Variants in ADAMTS20 observed in about 807,000 individuals in gnomAD.
The protein encoded by ADAMTS20 is ADAM metallopeptidase with thrombospondin type 1 motif 20.
ADAMTS20 carries 225 observed loss-of-function variants against 260.1 expected under a neutral mutation model. That is an observed-to-expected ratio of 0.87 (90% CI 0.78 to 0.97). The LOEUF is 0.97. Among genes scored for constraint, ADAMTS20 ranks in the 50% least tolerant of loss-of-function variants. The pLI, the probability that ADAMTS20 is intolerant of heterozygous loss-of-function variation, is 0.00. For synonymous variants in ADAMTS20, 802 were observed against 769.5 expected (o/e 1.04, Z -0.70); for missense variants, 2,400 against 2,337.7 (o/e 1.03, Z -0.55).
At chr12:43,490,033 A>T (rs1191319051) in intron 7 of ADAMTS20, among the ~76,000 whole-genome samples, 1 of 152,084 alleles carries the variant, frequency 6.6e-6, no homozygotes, top group Non-Finnish European at 1.5e-5. Context: ...GGGGAAAAGT[A>T]GAGTGATGGA....
intron 3 of ADAMTS20, among the ~76,000 whole-genome samples, chr12:43,523,750 C>G (rs974644237): frequency 6.6e-6 from 1 of 152,028 alleles, no homozygotes; most frequent in Non-Finnish European, 1.5e-5. Context: ...TCCCCAGTGA[C>G]CAGAGACCTA....
intron 31 of ADAMTS20, among the ~76,000 whole-genome samples, chr12:43,379,135 C>A (rs1231578520): frequency 6.6e-6 from 1 of 152,130 alleles, no homozygotes; most frequent in Non-Finnish European, 1.5e-5. Context: ...ATTATTTGAA[C>A]TGTTTAGTGG....
rs545056246 is a variant in ADAMTS20 at position 43,453,087 on chromosome 12, G to C, written c.1761-392C>G. ...ATAAAAAGGAAATGTATACACATCT[G>C]TCATGTATATCTTATTTATCACTCA... On this transcript the variant is annotated intron_variant, in intron 12 of 38. Transcript: ENST00000389420. 4.6e-5 allele frequency among the ~76,000 whole-genome samples: 7 copies of C among 152,264 alleles called. No homozygotes were observed. In the East Asian group the frequency reaches 1.3e-3, roughly 29 times the overall value.
chr12:43,377,482 G>C lies in ADAMTS20; in HGVS notation c.4878C>G (p.Leu1626=). The change falls in exon 32 of 39, where the codon CTC becomes CTG. Residue 1626 remains leucine (L), a synonymous_variant. Transcript: ENST00000389420. ...GATAAACTATAGGCCGAAGTCGATG[G>C]AGCTTATGTTTCTTAGTAGATGGGA... The part of the protein sequence containing the change: ...TEIPSTKKHK[L]HRLRPIVYQE... 5.6e-6 allele frequency: 9 copies of C among 1,613,646 alleles called. No homozygotes were observed. Among genetic ancestry groups the C allele is most frequent in the Non-Finnish European group, 7.6e-6 (9 of 1,179,710 alleles).
At chr12:43,401,920 A>C (rs1940818346) in intron 28 of ADAMTS20, among the ~76,000 whole-genome samples, 1 of 151,800 alleles carries the variant, frequency 6.6e-6, no homozygotes, top group African/African-American at 2.4e-5. Context: ...CTTTCTCCTT[A>C]ATGTGACACA....
intron 2 of ADAMTS20, among the ~76,000 whole-genome samples, chr12:43,542,083 G>T (rs1943383846): frequency 1.3e-5 from 2 of 152,092 alleles, no homozygotes; most frequent in Admixed American, 1.3e-4. Context: ...TCTCATTCTT[G>T]TGGGCACTGA....
chr12:43,369,335 TG>T lies in ADAMTS20; in HGVS notation c.5492del (p.Pro1831HisfsTer28). 2 of 1,566,982 alleles carry T rather than the reference TG, an allele frequency of 1.3e-6. No individual in the cohort carries two copies. Among genetic ancestry groups the T allele is most frequent in the Non-Finnish European group, 1.7e-6 (2 of 1,157,876 alleles). On this transcript the variant is annotated frameshift_variant, in exon 37 of 39. Transcript: ENST00000389420. LOFTEE classifies it high-confidence loss of function. ...FSKTIFGNAV[P>X]FATAGDCYSA... The stretch of plus-strand genomic sequence containing the variant: ...TGTAGCAATCTCCAGCTGTGGCAAA[TG>T]GAACTGCATTTCCAAATATTGTTTT...
intron 22 of ADAMTS20, 58 bp downstream of exon 22, chr12:43,431,274 C>A: frequency 1.3e-6 from 2 of 1,544,386 alleles, no homozygotes; most frequent in East Asian, 2.3e-5. Context: ...TATAACACAA[C>A]TTTTGTGCTA....
intron 36 of ADAMTS20, among the ~76,000 whole-genome samples, chr12:43,374,877 T>C (rs1435552582): frequency 1.4e-4 from 22 of 152,104 alleles, no homozygotes; most frequent in Admixed American, 1.4e-3. Flanking sequence ...TACATTTTTA[T>C]TAAGAGTCCC....
Position 43,550,917 on chromosome 12 carries a change from C to T in ADAMTS20, c.445G>A (p.Gly149Arg). The change falls in exon 2 of 39, where the codon GGA becomes AGA. Residue 149 changes from glycine (G) to arginine (R), a missense_variant. Coordinates refer to ENST00000389420, the MANE Select transcript of ADAMTS20 (RefSeq NM_025003.5). ...GACCCGAGGACACTCACCAGGCCTC[C>T]GCATAAGCTGACGACGGCCTTGTAA... ...EDYKAVVSLC[G>R]GLTGTFKGQN... 1 of 1,560,284 alleles carries T rather than the reference C, an allele frequency of 6.4e-7. No homozygotes were observed. The highest frequency in any genetic ancestry group is 8.7e-7 in the Non-Finnish European group (1 of 1,150,120).
intron 28 of ADAMTS20, among the ~76,000 whole-genome samples, chr12:43,405,259 A>T (rs1940893386): frequency 7.0e-6 from 1 of 143,762 alleles, no homozygotes; most frequent in Non-Finnish European, 1.5e-5. Flanking sequence ...AAAAAAAAAA[A>T]AAATTAGCCA....
chr12:43,376,029 C>T, intron 35 of ADAMTS20, 28 bp downstream of exon 35: 2 of 1,536,346 alleles, frequency 1.3e-6, no homozygotes, highest in Non-Finnish European at 1.8e-6. Context: ...CATGAAAATG[C>T]TCAGATAGAC....
At chr12:43,503,045 G>A (rs1439002128) in intron 3 of ADAMTS20, among the ~76,000 whole-genome samples, 1 of 152,092 alleles carries the variant, frequency 6.6e-6, no homozygotes, top group Non-Finnish European at 1.5e-5. Context: ...GAACATTAAA[G>A]ATTATTACAG....
intron 11 of ADAMTS20, among the ~76,000 whole-genome samples, chr12:43,455,151 T>C (rs1212924686): frequency 6.6e-6 from 1 of 152,224 alleles, no homozygotes; most frequent in African/African-American, 2.4e-5. Flanking sequence ...CATATAGTAC[T>C]AGTCTTCATG....
rs571470440 is a variant in ADAMTS20 at position 43,440,722 on chromosome 12, T to C, written c.2291-653A>G. ...AGCAGACAGATTAGTTCAATCATCC[T>C]GGTCATCAATGGTAGGGAAAGAAGG... On this transcript the variant is annotated intron_variant, in intron 16 of 38. Coordinates refer to ENST00000389420, the MANE Select transcript of ADAMTS20 (RefSeq NM_025003.5). 3.3e-5 allele frequency among the ~76,000 whole-genome samples: 5 copies of C among 152,324 alleles called. 1 individual carries two copies. Among genetic ancestry groups the C allele is most frequent in the African/African-American group, 1.2e-4 (5 of 41,588 alleles).
At chr12:43,388,473 C>T (rs1940531349) in intron 29 of ADAMTS20, among the ~76,000 whole-genome samples, 1 of 152,172 alleles carries the variant, frequency 6.6e-6, no homozygotes, top group Non-Finnish European at 1.5e-5. Context: ...CCTATTTGGC[C>T]ATCTTGGCTG....
chr12:43,495,997 T>G (rs1489308174), intron 4 of ADAMTS20, among the ~76,000 whole-genome samples: 6 of 152,150 alleles, frequency 3.9e-5, no homozygotes, highest in Non-Finnish European at 4.4e-5. Context: ...AGCTAAATTG[T>G]GATTCAAGCA....
In ADAMTS20 at chr12:43,452,611, T is replaced by G. The variant is rs752129185; in HGVS notation, c.1845A>C (p.Gln615His). The change falls in exon 13 of 39, where the codon CAA (glutamine) becomes CAC (histidine). Residue 615 changes from glutamine to histidine, a missense_variant. Gln to His is a conservative substitution (Grantham distance 24). Transcript: ENST00000389420. ...CNTDSCPKGT[Q>H]DFREKQCSDF... ...CAGAGCACTGCTTCTCTCGAAAGTC[T>G]TGTGTGCCTTTTGGACATGAATCAG... The G allele has an allele frequency of 3.2e-5, 52 of 1,613,362 alleles. No individual in the cohort carries two copies. The highest frequency in any genetic ancestry group is 4.2e-5 in the Non-Finnish European group (50 of 1,179,720).
At chr12:43,506,155 C>CAA (rs386376330) in intron 3 of ADAMTS20, among the ~76,000 whole-genome samples, 2,264 of 96,558 alleles carry the variant, frequency 0.023, 51 homozygotes, top group African/African-American at 0.072. Context: ...ACAACAACAA[C>CAA]AACAAAGGAA....
Sources: allele counts gnomAD v4.1 joint callset (sites outside exome capture counted in the v4.1 genomes callset), GRCh38; gene constraint gnomAD v4.1.1; transcripts MANE v1.5; gene names NCBI Gene and HGNC (gene_info 2026-07-23, HGNC 2026-07-21).